Variants in KLF13 observed in about 807,000 individuals in gnomAD.
The protein encoded by KLF13 is Krueppel-like factor 13.
Under a neutral mutation model 16.7 loss-of-function variants are expected in KLF13, and 8 were observed. The ratio of observed to expected loss-of-function variants is 0.48; its 90% CI spans 0.28 to 0.87. The LOEUF is 0.87. Ranked by LOEUF, KLF13 falls within the 40% of genes least tolerant of loss-of-function variation. The probability of loss-of-function intolerance (pLI) is 0.10; values close to 1 mark genes in which losing one functional copy is unlikely to be tolerated. For missense variants in KLF13, 447 were observed against 452.2 expected (o/e 0.99, Z 0.10); for synonymous variants, 245 against 208.4 (o/e 1.18, Z -1.51).
intron 1 of KLF13, among the ~76,000 whole-genome samples, chr15:31,346,781 C>A (rs1435509589): frequency 1.3e-5 from 2 of 152,202 alleles, no homozygotes; most frequent in Non-Finnish European, 2.9e-5. Context: ...GGTGGTGGGG[C>A]CAGGGCTCCT....
intron 1 of KLF13, among the ~76,000 whole-genome samples, chr15:31,360,552 C>T (rs912538799): frequency 1.8e-4 from 28 of 152,178 alleles, no homozygotes; most frequent in African/African-American, 6.5e-4. Context: ...TCCTAGTGGG[C>T]AAGACCGAGA....
In KLF13 at chr15:31,327,339, A is replaced by C. The variant is rs997747683; in HGVS notation, c.127A>C (p.Thr43Pro). Residue 43 changes from threonine to proline, a missense_variant, in exon 1 of 2, where the codon ACC becomes CCC. This residue lies in a region of KLF13 where 359 missense variants were observed against 282.8 expected (regional missense o/e 1.27). Coordinates refer to ENST00000307145, the MANE Select transcript of KLF13 (RefSeq NM_015995.4). ...GCCCGAGGGCGCGGCCGTGGCCGCC[A>C]CCCCCACGCTGCCCCGCGTCGAGGA... ...SRPEGAAVAA[T>P]PTLPRVEERR... 7.8e-7 allele frequency: 1 copy of C among 1,274,276 alleles called. No homozygotes were observed. The highest frequency in any genetic ancestry group is 9.9e-7 in the Non-Finnish European group (1 of 1,013,938). 78.9% of individuals were successfully genotyped at this position (1,274,276 alleles called of 1,614,324 possible).
At chr15:31,390,587 T>C (rs1446702122), upstream of KLF13, among the ~76,000 whole-genome samples, 1 of 152,222 alleles carries the variant, frequency 6.6e-6, no homozygotes, top group Non-Finnish European at 1.5e-5. Context: ...TTTGTTCAGA[T>C]ATTTTTAGAG....
upstream of KLF13, among the ~76,000 whole-genome samples, chr15:31,391,806 G>T (rs1595493627): frequency 1.3e-5 from 2 of 152,136 alleles, no homozygotes; most frequent in South Asian, 4.1e-4. Flanking sequence ...AGTTGGGTTG[G>T]GGGAGGCGGA....
chr15:31,367,320 C>T (rs2039490100), intron 1 of KLF13, among the ~76,000 whole-genome samples: 1 of 152,190 alleles, frequency 6.6e-6, no homozygotes, highest in South Asian at 2.1e-4. Context: ...AGAATGGAGC[C>T]GTGGGGGCCG....
intron 1 of KLF13, among the ~76,000 whole-genome samples, chr15:31,362,361 A>G (rs776163308): frequency 1.1e-4 from 16 of 152,192 alleles, no homozygotes; most frequent in Non-Finnish European, 1.9e-4. Flanking sequence ...CATCTCCTAC[A>G]AAGCTAGATT....
intron 2 of KLF13, among the ~76,000 whole-genome samples, chr15:31,402,176 T>C (rs538592250): frequency 6.6e-6 from 1 of 152,202 alleles, no homozygotes; most frequent in African/African-American, 2.4e-5. Flanking sequence ...GGGCCGGGCA[T>C]GGGAGCCACA....
At chr15:31,402,544 C>A (rs892056592) in intron 2 of KLF13, among the ~76,000 whole-genome samples, 1 of 152,244 alleles carries the variant, frequency 6.6e-6, no homozygotes, top group South Asian at 2.1e-4. Context: ...GCCTGAATGT[C>A]CCCGCTCTGG....
At chr15:31,392,476 C>G (rs1013855414), upstream of KLF13, among the ~76,000 whole-genome samples, 1 of 152,280 alleles carries the variant, frequency 6.6e-6, no homozygotes, top group East Asian at 1.9e-4. Context: ...AGCTCTCACC[C>G]GCGTCCTTTT....
At chr15:31,389,155 T>C (rs1293695956), upstream of KLF13, among the ~76,000 whole-genome samples, 1 of 152,162 alleles carries the variant, frequency 6.6e-6, no homozygotes, top group East Asian at 1.9e-4. Context: ...ATGAAGACAA[T>C]GAGAATGAAC....
At chr15:31,336,933 A>G (rs1423143594) in intron 1 of KLF13, among the ~76,000 whole-genome samples, 1 of 152,178 alleles carries the variant, frequency 6.6e-6, no homozygotes, top group Non-Finnish European at 1.5e-5. Context: ...GGGCGGATAA[A>G]TGGGAGTTAA....
At chr15:31,408,148 G>A (rs949239060), downstream of KLF13, among the ~76,000 whole-genome samples, 5 of 152,144 alleles carry the variant, frequency 3.3e-5, no homozygotes, top group Admixed American at 2.0e-4. Flanking sequence ...AAAATAGTTG[G>A]TAAAACCACC....
chr15:31,400,626 C>G lies in KLF13; in HGVS notation n.530-2802C>G, dbSNP rs139289547. Among the ~76,000 whole-genome samples the G allele has an allele frequency of 2.9e-3, 435 of 152,008 alleles. 1 individual carries two copies. The highest frequency in any genetic ancestry group is 0.01 in the African/African-American group (416 of 41,456). ...AGGTGCCCTGCAGGGAAATGGGGAG[C>G]CTTGGGGCTTCTAGCAGAGGGGTGG... On this transcript the variant is annotated intron_variant and non_coding_transcript_variant, in intron 2 of 2. Transcript: ENST00000500533.
At chr15:31,355,545 C>G (rs772594005) in intron 1 of KLF13, among the ~76,000 whole-genome samples, 1 of 152,152 alleles carries the variant, frequency 6.6e-6, no homozygotes, top group Non-Finnish European at 1.5e-5. Flanking sequence ...TGGTATTTAC[C>G]TTTCCCAGCT....
At chr15:31,379,518 T>G (rs1283370544), downstream of KLF13, among the ~76,000 whole-genome samples, 1 of 152,046 alleles carries the variant, frequency 6.6e-6, no homozygotes, top group Non-Finnish European at 1.5e-5. Flanking sequence ...TCCAGAAGAC[T>G]GGGGGACCCA....
At position 31,365,851 on chromosome 15, in the gene KLF13, T is replaced by C. The variant is rs114201974; in HGVS notation, c.578-6159T>C. 6.2e-3 allele frequency among the ~76,000 whole-genome samples: 947 copies of C among 152,176 alleles called. 10 individuals carry two copies. Among genetic ancestry groups the C allele is most frequent in the African/African-American group, 0.022 (911 of 41,532 alleles). ...CCTGGGACTTGGGTGTTGAGGCGGA[T>C]TGGGGGCTCAGCTGAAGGAGAGAGA... On this transcript the variant is annotated intron_variant, in intron 1 of 1. Transcript: ENST00000307145.
intron 1 of KLF13, among the ~76,000 whole-genome samples, chr15:31,334,777 A>G (rs771409926): frequency 6.6e-6 from 1 of 152,216 alleles, no homozygotes; most frequent in Non-Finnish European, 1.5e-5. Context: ...TGAGAAGTCA[A>G]CTTCCTGTCG....
chr15:31,418,735 T>C (rs1454172182), intron 1 of KLF13, among the ~76,000 whole-genome samples: 3 of 152,224 alleles, frequency 2.0e-5, no homozygotes, highest in African/African-American at 7.2e-5. Context: ...AAAGCTACCA[T>C]GGCTTTCCTA....
intron 1 of KLF13, among the ~76,000 whole-genome samples, chr15:31,342,544 G>A (rs1433364786): frequency 6.6e-6 from 1 of 152,130 alleles, no homozygotes; most frequent in African/African-American, 2.4e-5. Context: ...CGCTGCGGTC[G>A]GCATCTCAGC....
Sources: allele counts gnomAD v4.1 joint callset (sites outside exome capture counted in the v4.1 genomes callset), GRCh38; gene constraint gnomAD v4.1.1; regional missense constraint gnomAD v4.1.1; transcripts MANE v1.5; gene names NCBI Gene and HGNC (gene_info 2026-07-23, HGNC 2026-07-21).